Variants in PPM1H observed in about 807,000 individuals in gnomAD.
PPM1H encodes protein phosphatase, Mg2+/Mn2+ dependent 1H.
Under a neutral mutation model 54.9 loss-of-function variants are expected in PPM1H, and 27 were observed. The ratio of observed to expected loss-of-function variants is 0.49; its 90% confidence interval spans 0.36 to 0.68. PPM1H has a LOEUF of 0.68. Ranked by LOEUF, PPM1H falls within the 30% of genes least tolerant of loss-of-function variation. The pLI is 0.00. For synonymous variants in PPM1H, 305 were observed against 270.8 expected (o/e 1.13, Z -1.24); for missense variants, 596 against 667.8 (o/e 0.89, Z 1.19).
intron 2 of PPM1H, among the ~76,000 whole-genome samples, chr12:62,824,698 AT>A (rs552765371): frequency 1.1e-3 from 170 of 152,338 alleles, no homozygotes; most frequent in African/African-American, 3.8e-3. Flanking sequence ...GGCTAGCCAT[AT>A]GTAGAAAGCT....
chr12:62,782,019 G>GT (rs898448982), intron 4 of PPM1H, among the ~76,000 whole-genome samples: 7 of 151,856 alleles, frequency 4.6e-5, no homozygotes, highest in Non-Finnish European at 8.8e-5. Flanking sequence ...TGTTGATTTT[G>GT]TTTTTTTTCT....
At chr12:62,847,398 A>G (rs1275744289) in intron 1 of PPM1H, among the ~76,000 whole-genome samples, 1 of 152,248 alleles carries the variant, frequency 6.6e-6, no homozygotes, top group Admixed American at 6.5e-5. Flanking sequence ...TATCATTATT[A>G]AACTGCAAGG....
chr12:62,785,903 T>C (rs974086169), intron 4 of PPM1H, among the ~76,000 whole-genome samples: 8 of 147,136 alleles, frequency 5.4e-5, no homozygotes, highest in African/African-American at 2.0e-4. Flanking sequence ...TGGGGAGGAG[T>C]TGAGTCTCGA....
chr12:62,694,963 C>A (rs2076105745), intron 6 of PPM1H, among the ~76,000 whole-genome samples: 1 of 152,128 alleles, frequency 6.6e-6, no homozygotes, highest in South Asian at 2.1e-4. Context: ...ATTTAAAAGA[C>A]TAAGTAAAAG....
intron 1 of PPM1H, among the ~76,000 whole-genome samples, chr12:62,832,750 A>G (rs569255548): frequency 1.1e-4 from 16 of 152,324 alleles, no homozygotes; most frequent in African/African-American, 3.8e-4. Context: ...ATCCAAGAGA[A>G]CAGAGAACCA....
At chr12:62,798,212 G>A (rs1053910117) in intron 3 of PPM1H, among the ~76,000 whole-genome samples, 5 of 152,190 alleles carry the variant, frequency 3.3e-5, no homozygotes, top group African/African-American at 4.8e-5. Context: ...GGGGAAAAGT[G>A]GGCCGGAGGG....
chr12:62,919,642 T>G (rs1871731138), intron 1 of PPM1H, among the ~76,000 whole-genome samples: 1 of 152,154 alleles, frequency 6.6e-6, no homozygotes, highest in Non-Finnish European at 1.5e-5. Context: ...GACAAAATTT[T>G]TCACAAGGAA....
chr12:62,657,501 G>A (rs1019538241), intron 9 of PPM1H, among the ~76,000 whole-genome samples: 23 of 152,134 alleles, frequency 1.5e-4, no homozygotes, highest in African/African-American at 4.3e-4. Context: ...AATTCCCACA[G>A]ATCTGAGTGT....
intron 9 of PPM1H, among the ~76,000 whole-genome samples, chr12:62,653,089 A>AGTCT (rs1171360087): frequency 6.6e-6 from 1 of 152,184 alleles, no homozygotes; most frequent in South Asian, 2.1e-4. Context: ...CTTTTTGAGA[A>AGTCT]GTCTGTCTTT....
intron 8 of PPM1H, among the ~76,000 whole-genome samples, chr12:62,689,249 G>A (rs342168): frequency 0.14 from 21,177 of 152,226 alleles, 1,727 homozygotes; most frequent in East Asian, 0.28. Flanking sequence ...GAAACCTAAG[G>A]TCATGTAAGG....
At chr12:62,700,541 A>T (rs1434501953) in intron 6 of PPM1H, among the ~76,000 whole-genome samples, 1 of 152,158 alleles carries the variant, frequency 6.6e-6, no homozygotes, top group African/African-American at 2.4e-5. Flanking sequence ...AAATACTGTC[A>T]TCTCTACCTT....
intron 6 of PPM1H, among the ~76,000 whole-genome samples, chr12:62,709,710 C>A (rs1347012211): frequency 6.6e-6 from 1 of 152,214 alleles, no homozygotes; most frequent in African/African-American, 2.4e-5. Flanking sequence ...TATGTCCCAA[C>A]AGATCTACTT....
At chr12:62,737,710 G>C (rs867849191) in intron 4 of PPM1H, 124 bp from the exon 5 acceptor site, 2 of 619,032 alleles carry the variant, frequency 3.2e-6, no homozygotes, top group Middle Eastern at 5.3e-4. Context: ...CCACTTGCAT[G>C]GCAGAGTTCA....
chr12:62,837,320 A>G (rs1333096453), intron 1 of PPM1H, among the ~76,000 whole-genome samples: 1 of 152,256 alleles, frequency 6.6e-6, no homozygotes, highest in East Asian at 1.9e-4. Context: ...AAGTACCTCA[A>G]GTATTCTCAC....
intron 1 of PPM1H, among the ~76,000 whole-genome samples, chr12:62,891,153 AT>A (rs1368600959): frequency 6.6e-6 from 1 of 151,302 alleles, no homozygotes; most frequent in Non-Finnish European, 1.5e-5. Context: ...TCTAGAGCAT[AT>A]TTTTCCTTAA....
At chr12:62,749,725 C>A (rs1023945860) in intron 4 of PPM1H, among the ~76,000 whole-genome samples, 1 of 152,158 alleles carries the variant, frequency 6.6e-6, no homozygotes, top group Non-Finnish European at 1.5e-5. Flanking sequence ...TTTAACAAGA[C>A]CCCAACTATG....
rs1406505930 is a variant in PPM1H at position 62,838,878 on chromosome 12, G to A, written c.246-6599C>T. Among the ~76,000 whole-genome samples, 5 of 81,806 alleles carry A rather than the reference G, an allele frequency of 6.1e-5. 1 individual carries two copies. The highest frequency in any genetic ancestry group is 4.6e-4 in the Admixed American group (3 of 6,576). 53.7% of individuals were successfully genotyped at this position (81,806 alleles called of 152,430 possible). A position where few individuals can be genotyped will look rare whatever the true frequency, so the allele number is the denominator to read the frequency against. ...GGAGCTTGCAGTGAGCCGAGATCGC[G>A]CCACTGCACTCCAGCCTGGGCGACA... On this transcript the variant is annotated intron_variant, in intron 1 of 9. Coordinates refer to ENST00000228705, the MANE Select transcript of PPM1H (RefSeq NM_020700.2).
At chr12:62,920,927 T>A (rs569147619) in intron 1 of PPM1H, among the ~76,000 whole-genome samples, 120 of 152,144 alleles carry the variant, frequency 7.9e-4, no homozygotes, top group African/African-American at 2.8e-3. Flanking sequence ...TTAATTTATT[T>A]ATTTATTTAT....
intron 9 of PPM1H, among the ~76,000 whole-genome samples, chr12:62,650,866 G>T (rs764205157): frequency 4.6e-5 from 7 of 152,064 alleles, no homozygotes; most frequent in Non-Finnish European, 8.8e-5. Flanking sequence ...TGACATGTAG[G>T]GATTACAATT....
Sources: gnomAD v4.1 joint callset for allele counts (sites outside exome capture counted in the v4.1 genomes callset) on GRCh38, gnomAD v4.1.1 for gene constraint, MANE v1.5 for transcripts, NCBI Gene and HGNC (gene_info 2026-07-23, HGNC 2026-07-21) for gene names.